CTBP1: variants seen among roughly 807,000 people sequenced by gnomAD.
CTBP1 encodes the protein C-terminal-binding protein 1.
In CTBP1, 11 loss-of-function variants were observed where a neutral mutation model predicts 42.1. The ratio of observed to expected loss-of-function variants is 0.26; its 90% confidence interval spans 0.16 to 0.43. The LOEUF (loss-of-function observed/expected upper bound fraction) is 0.43. CTBP1 is among the 20% of genes least tolerant of loss of function. CTBP1 has a pLI of 1.00. For missense variants in CTBP1, 399 were observed against 624.3 expected, an observed-to-expected ratio of 0.64 and a Z score of 3.85; for synonymous variants, 324 against 277.1, an observed-to-expected ratio of 1.17 and a Z score of -1.68.
chr4:1,225,303 A>G (rs1730209454), intron 5 of CTBP1, 57 bp downstream of exon 5: 16 of 1,498,754 alleles, frequency 1.1e-5, no homozygotes, highest in Non-Finnish European at 1.4e-5. Flanking sequence ...GCACAGCTGA[A>G]GAGCGGCAGC....
intron 1 of CTBP1, chr4:1,243,746 T>C: frequency 1.0e-6 from 1 of 985,444 alleles, no homozygotes; most frequent in Non-Finnish European, 1.2e-6. Flanking sequence ...GCTCTGTACC[T>C]TGCCCACACA....
intron 6 of CTBP1, among the ~76,000 whole-genome samples, chr4:1,215,371 G>C (rs898877422): frequency 6.6e-6 from 1 of 152,188 alleles, no homozygotes; most frequent in African/African-American, 2.4e-5. Context: ...ATGCACCCAC[G>C]CACACTTGCC....
intron 8 of CTBP1, 110 bp downstream of exon 8, chr4:1,213,368 C>T: frequency 6.5e-7 from 1 of 1,540,008 alleles, no homozygotes; most frequent in Non-Finnish European, 8.8e-7. Flanking sequence ...GCACCACGGG[C>T]CCTGAGCTGG....
At chr4:1,212,855 A>T in intron 9 of CTBP1, 58 bp downstream of exon 9, 2 of 1,437,858 alleles carry the variant, frequency 1.4e-6, no homozygotes, top group Non-Finnish European at 2.0e-6. Flanking sequence ...CTGTGCTGGG[A>T]TCCAGGGGAA....
chr4:1,221,872 GA>G, intron 5 of CTBP1: 1 of 417,340 alleles, frequency 2.4e-6, no homozygotes, highest in Admixed American at 2.7e-5. Flanking sequence ...AGGAAGGAAG[GA>G]AGGGAAGGAG....
chr4:1,245,906 C>T (rs1435105484), intron 1 of CTBP1, among the ~76,000 whole-genome samples: 1 of 152,200 alleles, frequency 6.6e-6, no homozygotes, highest in Non-Finnish European at 1.5e-5. Context: ...GGGCTTCCCT[C>T]AGGGCCATCC....
chr4:1,249,706 C>T (rs539028072), upstream of CTBP1: 2 of 405,700 alleles, frequency 4.9e-6, no homozygotes, highest in South Asian at 1.7e-5. Context: ...TGCCCCAGTG[C>T]GTCCCCAGGC....
intron 1 of CTBP1, chr4:1,241,784 C>A (rs1732206091): frequency 8.4e-7 from 1 of 1,185,738 alleles, no homozygotes; most frequent in South Asian, 1.6e-5. Context: ...TGGGAACAGT[C>A]CCCCAGGGCT....
At chr4:1,244,555 T>C (rs910888977) in intron 1 of CTBP1, 4 of 984,838 alleles carry the variant, frequency 4.1e-6, no homozygotes, top group African/African-American at 3.5e-5. Context: ...CCTCACGACC[T>C]CCACCAGGAC....
chr4:1,227,720 CGTGT>C (rs531137566), intron 4 of CTBP1, among the ~76,000 whole-genome samples: 20 of 138,702 alleles, frequency 1.4e-4, no homozygotes, highest in Non-Finnish European at 2.4e-4. Context: ...GTGCGTGTTC[CGTGT>C]GTGTTCTGTG....
At chr4:1,227,854 G>A (rs546995156) in intron 4 of CTBP1, among the ~76,000 whole-genome samples, 85 of 152,360 alleles carry the variant, frequency 5.6e-4, no homozygotes, top group African/African-American at 1.9e-3. Flanking sequence ...TCGGGACAGA[G>A]ACCTATGAGC....
In CTBP1 at chr4:1,212,406, A is replaced by G. The variant is rs1158873491; in HGVS notation, c.1124T>C (p.Val375Ala). ...GAAYRYPPGV[V>A]GVAPTGIPAA... is the part of the protein sequence containing the mutation. ...TGGGATGCCAGTGGGGGCCACGCCCACCACGCCCGGAGGGTACCTGCTGGG... is the reference window on the plus strand; with the variant it reads ...TGGGATGCCAGTGGGGGCCACGCCCGCCACGCCCGGAGGGTACCTGCTGGG... The change falls in exon 10 of 10, where the codon GTG (valine) becomes GCG (alanine). Residue 375 changes from valine to alanine, a missense_variant. By Grantham distance (64) the Val-to-Ala change is moderately conservative (BLOSUM62 0). Transcript: ENST00000382952. The G allele has an allele frequency of 4.8e-6, 7 of 1,470,088 alleles. No individual in the cohort carries two copies. The highest frequency in any genetic ancestry group is 5.4e-6 in the Non-Finnish European group (6 of 1,114,094). 91.1% of individuals were successfully genotyped at this position (1,470,088 alleles called of 1,614,324 possible).
intron 5 of CTBP1, among the ~76,000 whole-genome samples, chr4:1,219,145 A>G (rs1409260432): frequency 6.6e-6 from 1 of 152,184 alleles, no homozygotes; most frequent in Non-Finnish European, 1.5e-5. Context: ...CATCCTGAGC[A>G]ACACAGCAAG....
chr4:1,230,185 G>A (rs572512815), intron 3 of CTBP1, among the ~76,000 whole-genome samples: 4 of 152,088 alleles, frequency 2.6e-5, no homozygotes, highest in Non-Finnish European at 5.9e-5. Context: ...GGTGAACCCT[G>A]GTGTACCACA....
chr4:1,227,067 G>A (rs1730428312), intron 4 of CTBP1, among the ~76,000 whole-genome samples: 1 of 152,044 alleles, frequency 6.6e-6, no homozygotes, highest in Non-Finnish European at 1.5e-5. Flanking sequence ...GCAGAAAACA[G>A]AAAGTGCGCT....
At chr4:1,249,407 G>A (rs1371555315), upstream of CTBP1, 1 of 152,316 alleles carries the variant, frequency 6.6e-6, no homozygotes, top group African/African-American at 2.4e-5. Flanking sequence ...CGTCCGCCCC[G>A]AGGACCCTGC....
At position 1,238,127 on chromosome 4, in the gene CTBP1, C is replaced by T. The variant is rs779255387; in HGVS notation, c.162+56G>A. On this transcript the variant is annotated intron_variant, in intron 3 of 9. Coordinates refer to ENST00000382952, the MANE Select transcript of CTBP1 (RefSeq NM_001012614.2). The surrounding 1 kb of genome is among the most constrained non-coding windows in gnomAD (Gnocchi z 5.9). ...GCCCGGGCCTGCCGTGCTCCCGTCC[C>T]TCCAACTCCCCCCAACGTGCGGTTC... 2 of 1,610,430 alleles carry T rather than the reference C, an allele frequency of 1.2e-6. No homozygotes were observed. The highest frequency in any genetic ancestry group is 3.3e-5 in the Admixed American group (2 of 59,986).
chr4:1,221,027 C>T (rs1299751632), intron 5 of CTBP1, among the ~76,000 whole-genome samples: 5 of 152,216 alleles, frequency 3.3e-5, no homozygotes, highest in African/African-American at 1.2e-4. Context: ...AGTGAAAAGT[C>T]AAGCCACGGC....
At position 1,213,462 on chromosome 4, in the gene CTBP1, C is replaced by A. The variant is rs755425614; in HGVS notation, c.988+16G>T. ...GAAGGGACCCCCAGGCCTGACCGAGCGGCCCCCACGCCCACCTGTGATGGC... is the reference window on the plus strand; with the variant it reads ...GAAGGGACCCCCAGGCCTGACCGAGAGGCCCCCACGCCCACCTGTGATGGC... On this transcript the variant is annotated intron_variant, in intron 8 of 9. Transcript: ENST00000382952. 2.5e-6 allele frequency: 4 copies of A among 1,607,656 alleles called. No homozygotes were observed. Among genetic ancestry groups the A allele is most frequent in the Non-Finnish European group, 2.5e-6 (3 of 1,179,728 alleles).
Sources: gnomAD v4.1 joint callset for allele counts (sites outside exome capture counted in the v4.1 genomes callset) on GRCh38, gnomAD v4.1.1 for gene constraint, Gnocchi (gnomAD v3.1) non-coding constraint, MANE v1.5 for transcripts, NCBI Gene and HGNC (gene_info 2026-07-23, HGNC 2026-07-21) for gene names.